Variants in ERMARD observed in about 807,000 individuals in gnomAD.
ERMARD encodes the protein endoplasmic reticulum membrane-associated RNA degradation protein.
A neutral mutation model predicts 83.9 loss-of-function variants in ERMARD; 71 were observed. The observed-to-expected ratio is 0.85, with a 90% CI of 0.70 to 1.03. The LOEUF is 1.03. Among genes scored for constraint, ERMARD ranks in the 50% least tolerant of loss-of-function variants. ERMARD has a pLI of 0.00. For synonymous variants in ERMARD, 284 were observed against 298.6 expected (o/e 0.95, Z 0.50); for missense variants, 838 against 810.9 (o/e 1.03, Z -0.41).
At chr6:169,772,891 T>TTTA (rs201823263) in intron 12 of ERMARD, among the ~76,000 whole-genome samples, 9,055 of 152,134 alleles carry the variant, frequency 0.06, 492 homozygotes, top group East Asian at 0.16. Flanking sequence ...TTAAGTTATG[T>TTTA]GGTTATATCA....
At position 169,760,494 on chromosome 6, in the gene ERMARD, A is replaced by G. The variant is rs77381840; in HGVS notation, c.743-148A>G. On this transcript the variant is annotated intron_variant, in intron 7 of 17. Transcript: ENST00000366773. The stretch of plus-strand genomic sequence containing the variant: ...GCACCTCGGGCCCTTGGTCAGGGCA[A>G]TCCTACTCTCTAACAAGTCCCCTGC... The G allele has an allele frequency of 0.062, 38,493 of 617,312 alleles. 3,214 individuals are homozygous for G. The highest frequency in any genetic ancestry group is 0.28 in the African/African-American group (14,880 of 53,680). The allele number at this position is 617,312 out of a possible 1,614,324, so 38.2% of individuals were successfully genotyped here.
In ERMARD at chr6:169,756,262, A is replaced by G. The variant is rs935169474; in HGVS notation, c.316-76A>G. On this transcript the variant is annotated intron_variant, in intron 3 of 17. Transcript: ENST00000366773. ...GCAGTTGAAATCTCTCGAGGTTTGA[A>G]TTTCAATAAATAATATTGTTGCTTT... 8.1e-6 allele frequency: 7 copies of G among 868,582 alleles called. No homozygotes were observed. The African/African-American group carries it at 1.2e-4, about 15-fold the overall frequency. The allele number at this position is 868,582 out of a possible 1,614,324, so 53.8% of individuals were successfully genotyped here.
At chr6:169,761,045 C>A (rs190700448) in intron 8 of ERMARD, among the ~76,000 whole-genome samples, 1 of 152,238 alleles carries the variant, frequency 6.6e-6, no homozygotes, top group Non-Finnish European at 1.5e-5. Context: ...AATCATGAAA[C>A]ATAGATAAGC....
chr6:169,772,999 G>A (rs1337717042), intron 12 of ERMARD: 2 of 272,778 alleles, frequency 7.3e-6, no homozygotes, highest in African/African-American at 4.4e-5. Context: ...CATTTTTAGT[G>A]TTTAAGTAAC....
chr6:169,755,303 G>A lies in ERMARD; in HGVS notation c.196G>A (p.Gly66Arg). 1.2e-6 allele frequency: 2 copies of A among 1,613,926 alleles called. No homozygotes were observed. The highest frequency in any genetic ancestry group is 2.2e-5 in the South Asian group (2 of 91,062). Residue 66 changes from glycine (G) to arginine (R), a missense_variant, in exon 3 of 18, where the codon GGA becomes AGA. By Grantham distance (125) the Gly-to-Arg change is moderately radical. Coordinates refer to ENST00000366773, the MANE Select transcript of ERMARD (RefSeq NM_018341.3). ...TTAAGAGCAGGGTCTGGATTACTGG[G>A]GAAGCGTGAGGCTGCTGGGCCCTGT... ...TESEQGLDYW[G>R]SVRLLGPVCE...
chr6:169,754,155 C>T, intron 2 of ERMARD, 123 bp downstream of exon 2: 2 of 852,556 alleles, frequency 2.3e-6, no homozygotes, highest in Non-Finnish European at 3.4e-6. Flanking sequence ...ACAGGCCTAA[C>T]TCCAAGGAGA....
intron 10 of ERMARD, chr6:169,766,948 G>C: frequency 6.1e-6 from 2 of 329,792 alleles, no homozygotes; most frequent in Non-Finnish European, 1.1e-5. Context: ...TTGCATTTTA[G>C]ATTTAGGGGT....
intron 8 of ERMARD, 100 bp downstream of exon 8, chr6:169,760,856 G>A: frequency 1.3e-6 from 1 of 794,962 alleles, no homozygotes; most frequent in Non-Finnish European, 2.0e-6. Flanking sequence ...GAGTAGAAGT[G>A]AAGAGAACCT....
intron 13 of ERMARD, among the ~76,000 whole-genome samples, chr6:169,774,191 G>A (rs1405658756): frequency 1.3e-5 from 2 of 152,122 alleles, no homozygotes; most frequent in Admixed American, 6.5e-5. Flanking sequence ...AAAATTAGCC[G>A]GGCGTGATGG....
chr6:169,774,217 G>T (rs560603192), intron 13 of ERMARD, among the ~76,000 whole-genome samples: 1 of 152,172 alleles, frequency 6.6e-6, no homozygotes, highest in East Asian at 1.9e-4. Context: ...GCCTTGAGAA[G>T]TCTGAGGCCT....
At chr6:169,773,532 C>T in intron 13 of ERMARD, 130 bp downstream of exon 13, 1 of 833,408 alleles carries the variant, frequency 1.2e-6, no homozygotes, top group South Asian at 1.6e-5. Context: ...AGCTTTTTAA[C>T]CAGTGCGGGG....
At chr6:169,752,202 C>G (rs896787485) in intron 1 of ERMARD, among the ~76,000 whole-genome samples, 1 of 152,186 alleles carries the variant, frequency 6.6e-6, no homozygotes, top group African/African-American at 2.4e-5. Context: ...GTCTGGGCGA[C>G]GGCGAGACCC....
intron 17 of ERMARD, among the ~76,000 whole-genome samples, chr6:169,780,485 T>A (rs1794078041): frequency 6.6e-6 from 1 of 152,230 alleles, no homozygotes; most frequent in South Asian, 2.1e-4. Context: ...AAGATGACAT[T>A]TATTGTCATC....
At chr6:169,757,104 C>T (rs1481423456) in intron 5 of ERMARD, among the ~76,000 whole-genome samples, 1 of 152,174 alleles carries the variant, frequency 6.6e-6, no homozygotes, top group African/African-American at 2.4e-5. Context: ...TCAGCTGTCT[C>T]CCCCTGCGTC....
rs946797369 is a variant in ERMARD, at chr6:169,773,479, G to A, written c.1317+77G>A. 4.8e-5 allele frequency: 70 copies of A among 1,447,020 alleles called. No homozygotes were observed. In the Admixed American group the frequency reaches 1.2e-3, roughly 24 times the overall value. The allele number at this position is 1,447,020 out of a possible 1,614,324, so 89.6% of individuals were successfully genotyped here. On this transcript the variant is annotated intron_variant, in intron 13 of 17. Coordinates refer to ENST00000366773, the MANE Select transcript of ERMARD (RefSeq NM_018341.3). ...TGTCTTCTGCAGAGATGCTGGAAGG[G>A]TGCAGTTTGCTTGCTGAGTCAGACT...
chr6:169,753,004 T>G (rs1790335093), intron 1 of ERMARD: 2 of 152,214 alleles, frequency 1.3e-5, no homozygotes, highest in Middle Eastern at 3.2e-3. Flanking sequence ...AAATGGTGGC[T>G]TAGAACTACA....
At chr6:169,760,909 G>A (rs1791470263) in intron 8 of ERMARD, among the ~76,000 whole-genome samples, 153 bp downstream of exon 8, 1 of 152,168 alleles carries the variant, frequency 6.6e-6, no homozygotes, top group Non-Finnish European at 1.5e-5. Context: ...CCTTCATAGA[G>A]TCGCTTCAAG....
chr6:169,757,264 A>C (rs1419542051), intron 5 of ERMARD, among the ~76,000 whole-genome samples: 1 of 152,166 alleles, frequency 6.6e-6, no homozygotes, highest in Admixed American at 6.5e-5. Flanking sequence ...GCTTTAGGGA[A>C]AAATTGTATC....
chr6:169,775,919 T>A, intron 14 of ERMARD, 21 bp from the exon 15 acceptor site: 1 of 1,613,556 alleles, frequency 6.2e-7, no homozygotes, highest in Non-Finnish European at 8.5e-7. Flanking sequence ...CACGTATCTT[T>A]AAATATTTTC....
Sources: gnomAD v4.1 joint callset for allele counts (sites outside exome capture counted in the v4.1 genomes callset) on GRCh38, gnomAD v4.1.1 for gene constraint, MANE v1.5 for transcripts, NCBI Gene and HGNC (gene_info 2026-07-23, HGNC 2026-07-21) for gene names.